Variants in DNAH6 observed in about 807,000 individuals in gnomAD.
DNAH6 encodes the protein axonemal beta dynein heavy chain 6.
Under a neutral mutation model 491.4 loss-of-function variants are expected in DNAH6, and 340 were observed. The ratio of observed to expected loss-of-function variants is 0.69; its 90% confidence interval spans 0.63 to 0.76. DNAH6 has a LOEUF of 0.76. Ranked by LOEUF, DNAH6 falls within the 30% of genes least tolerant of loss-of-function variation. DNAH6 has a pLI of 0.00. For missense variants in DNAH6, 4,443 were observed against 4,972.2 expected, an observed-to-expected ratio of 0.89 and a Z score of 3.20; for synonymous variants, 1,603 against 1,686.1, an observed-to-expected ratio of 0.95 and a Z score of 1.21.
intron 63 of DNAH6, among the ~76,000 whole-genome samples, chr2:84,760,734 T>G (rs1003663683): frequency 1.3e-5 from 2 of 152,160 alleles, no homozygotes; most frequent in African/African-American, 4.8e-5. Flanking sequence ...GCAACCTCCA[T>G]GGAAAACAGT....
Position 84,819,303 on chromosome 2 carries a change from A to G in DNAH6, c.12374-2A>G. ...ACCTTTTTTTCCTATATCCTTAATT[A>G]GGACATTCAACCAATTTTGTGGTAA... On this transcript the variant is annotated splice_acceptor_variant, in intron 76 of 76. Transcript: ENST00000389394. LOFTEE classifies it high-confidence loss of function. 1.3e-6 allele frequency: 2 copies of G among 1,543,582 alleles called. No homozygotes were observed. The highest frequency in any genetic ancestry group is 1.8e-6 in the Non-Finnish European group (2 of 1,141,402).
At chr2:84,604,300 A>T in intron 18 of DNAH6, 39 bp from the exon 19 acceptor site, 1 of 1,475,156 alleles carries the variant, frequency 6.8e-7, no homozygotes, top group Non-Finnish European at 9.3e-7. Flanking sequence ...TATTTTTAAG[A>T]TAAAAAGCTT....
intron 2 of DNAH6, among the ~76,000 whole-genome samples, chr2:84,519,579 TCTC>T (rs1311522045): frequency 6.7e-6 from 1 of 150,194 alleles, no homozygotes; most frequent in Non-Finnish European, 1.5e-5. Flanking sequence ...TCAACTGCCT[TCTC>T]CTCTCCCTTT....
Position 84,579,635 on chromosome 2 carries a change from G to C in DNAH6, c.2185G>C (p.Glu729Gln). 1 of 1,610,304 alleles carries C rather than the reference G, an allele frequency of 6.2e-7. No individual in the cohort carries two copies. The highest frequency in any genetic ancestry group is 2.2e-5 in the East Asian group (1 of 44,792). ...TGAGTTTGTTCCAACTACTACCACAGAATATGTTCATAGCTTATTATTTCT... is the reference window on the plus strand; with the variant it reads ...TGAGTTTGTTCCAACTACTACCACACAATATGTTCATAGCTTATTATTTCT... ...KLEFVPTTTT[E>Q]YVHSLLFLDE... Residue 729 changes from glutamate (E) to glutamine (Q), a missense_variant, in exon 14 of 77, where the codon GAA (glutamate) becomes CAA (glutamine). By Grantham distance (29) the Glu-to-Gln change is conservative. Around this residue, in one of 3 missense-constraint regions of DNAH6, gnomAD observed 2,977 missense variants for 3,296.6 expected, o/e 0.90. Coordinates refer to ENST00000389394, the MANE Select transcript of DNAH6 (RefSeq NM_001370.2).
chr2:84,575,986 C>T (rs968570402), intron 12 of DNAH6, among the ~76,000 whole-genome samples: 2 of 152,168 alleles, frequency 1.3e-5, no homozygotes, highest in African/African-American at 2.4e-5. Context: ...CTCAATTTCT[C>T]TATCTATGAA....
intron 48 of DNAH6, among the ~76,000 whole-genome samples, chr2:84,700,308 A>C (rs115534455): frequency 0.028 from 4,201 of 152,240 alleles, 207 homozygotes; most frequent in African/African-American, 0.096. Context: ...TCCACAGCCT[A>C]CCCCTGAGTA....
intron 33 of DNAH6, among the ~76,000 whole-genome samples, chr2:84,650,131 C>A (rs956931702): frequency 1.3e-5 from 2 of 151,398 alleles, no homozygotes; most frequent in Non-Finnish European, 2.9e-5. Context: ...TGGATTTCTT[C>A]GGGTTTATCC....
chr2:84,647,889 A>G (rs569811848), intron 33 of DNAH6, among the ~76,000 whole-genome samples: 3 of 152,248 alleles, frequency 2.0e-5, no homozygotes, highest in Non-Finnish European at 4.4e-5. Flanking sequence ...CAAATCCTAG[A>G]AAGCATAACA....
intron 49 of DNAH6, among the ~76,000 whole-genome samples, chr2:84,701,904 CA>C (rs1695939275): frequency 6.6e-6 from 1 of 152,032 alleles, no homozygotes; most frequent in Non-Finnish European, 1.5e-5. Flanking sequence ...AAAATATGAC[CA>C]AAAAGTGTTT....
chr2:84,796,204 CAAAT>C, intron 68 of DNAH6, 98 bp from the exon 69 acceptor site: 1 of 710,370 alleles, frequency 1.4e-6, no homozygotes, highest in Non-Finnish European at 2.1e-6. Context: ...TTTTCAGTAC[CAAAT>C]AAATGTGTGT....
At chr2:84,746,288 A>G (rs912189676) in intron 63 of DNAH6, among the ~76,000 whole-genome samples, 9 of 152,222 alleles carry the variant, frequency 5.9e-5, no homozygotes, top group Admixed American at 2.6e-4. Context: ...AAGAGGAAAG[A>G]TGGGCAAAAA....
In DNAH6 at chr2:84,802,878, A is replaced by C. The variant is rs548913218; in HGVS notation, c.11482-2787A>C. 2.0e-5 allele frequency among the ~76,000 whole-genome samples: 3 copies of C among 152,354 alleles called. No homozygotes were observed. The East Asian group carries it at 5.8e-4, about 29-fold the overall frequency. On this transcript the variant is annotated intron_variant, in intron 70 of 76. Coordinates refer to ENST00000389394, the MANE Select transcript of DNAH6 (RefSeq NM_001370.2). ...AAGCATCTTCTCAGAACACAGTGGA[A>C]TATAATTAGAAATCAATACCAAAAG...
At position 84,707,725 on chromosome 2, in the gene DNAH6, C is replaced by T; in HGVS notation, c.9048+9C>T. The T allele has an allele frequency of 6.5e-7, 1 of 1,548,952 alleles. No homozygotes were observed. The highest frequency in any genetic ancestry group is 8.7e-7 in the Non-Finnish European group (1 of 1,144,844). The stretch of plus-strand genomic sequence containing the variant: ...CCCAGTACAGGCAGTCAGTGAGTAA[C>T]CCTGCTTTCTGTAAGGAGGGGTAAG... On this transcript the variant is annotated intron_variant, in intron 54 of 76. Coordinates refer to ENST00000389394, the MANE Select transcript of DNAH6 (RefSeq NM_001370.2).
At chr2:84,588,992 T>G in intron 16 of DNAH6, 38 bp downstream of exon 16, 1 of 1,513,200 alleles carries the variant, frequency 6.6e-7, no homozygotes, top group South Asian at 1.3e-5. Context: ...TAGAAATGTG[T>G]GTATAGAAAT....
chr2:84,692,921 T>C (rs529445953), intron 45 of DNAH6, among the ~76,000 whole-genome samples: 1 of 152,380 alleles, frequency 6.6e-6, no homozygotes, highest in South Asian at 2.1e-4. Flanking sequence ...CTATTACTTC[T>C]GCATTAGATA....
At chr2:84,624,835 G>C in intron 28 of DNAH6, 67 bp from the exon 29 acceptor site, 1 of 1,429,988 alleles carries the variant, frequency 7.0e-7, no homozygotes. Flanking sequence ...CCCCCATAGA[G>C]AGGAAATGCC....
chr2:84,705,101 G>A lies in DNAH6; in HGVS notation c.8466-385G>A, dbSNP rs570456297. 5.3e-5 allele frequency among the ~76,000 whole-genome samples: 8 copies of A among 152,326 alleles called. No individual in the cohort carries two copies. In the South Asian group the frequency reaches 1.7e-3, roughly 32 times the overall value. ...AGTTCAGAAGAACAAAGTTCAAAGAGACATAAAGCCCAGTTAGAAAGCAAT... is the reference window on the plus strand; with the variant it reads ...AGTTCAGAAGAACAAAGTTCAAAGAAACATAAAGCCCAGTTAGAAAGCAAT... On this transcript the variant is annotated intron_variant, in intron 51 of 76. Coordinates refer to ENST00000389394, the MANE Select transcript of DNAH6 (RefSeq NM_001370.2).
intron 4 of DNAH6, among the ~76,000 whole-genome samples, chr2:84,530,074 T>C (rs918237597): frequency 3.9e-4 from 59 of 152,346 alleles, no homozygotes; most frequent in Non-Finnish European, 7.4e-4. Context: ...CAAAATTTAT[T>C]GAGCATGATC....
rs1327804826 is a variant in DNAH6 at position 84,685,298 on chromosome 2, T to G, written c.6917-28T>G. ...GATTCTACAAATGTAGAATTTTTCT[T>G]TTTTTTTTTCCTTTTCTTAAAAAAC... On this transcript the variant is annotated intron_variant, in intron 42 of 76. Coordinates refer to ENST00000389394, the MANE Select transcript of DNAH6 (RefSeq NM_001370.2). 2.9e-6 allele frequency: 4 copies of G among 1,378,554 alleles called. No individual in the cohort carries two copies. In the Admixed American group the frequency reaches 1.1e-4, roughly 39 times the overall value. The allele number at this position is 1,378,554 out of a possible 1,614,324, so 85.4% of individuals were successfully genotyped here. A position where few individuals can be genotyped will look rare whatever the true frequency, so the allele number is the denominator to read the frequency against.
Sources: gnomAD v4.1 joint callset for allele counts (sites outside exome capture counted in the v4.1 genomes callset) on GRCh38, gnomAD v4.1.1 for gene constraint, gnomAD v4.1.1 regional missense constraint, MANE v1.5 for transcripts, NCBI Gene and HGNC (gene_info 2026-07-23, HGNC 2026-07-21) for gene names.